The following MYO3B variants were observed in gnomAD, a reference collection of about 807,000 sequenced individuals.
MYO3B encodes the protein myosin IIIB.
Under a neutral mutation model 174.6 loss-of-function variants are expected in MYO3B, and 156 were observed. That is an observed-to-expected ratio of 0.89 (90% CI 0.78 to 1.02). The LOEUF is 1.02. MYO3B is among the 50% of genes least tolerant of loss of function. The probability of loss-of-function intolerance (pLI) is 0.00; values close to 1 mark genes in which losing one functional copy is unlikely to be tolerated. For missense variants in MYO3B, 1,632 were observed against 1,639.4 expected (o/e 1.00, Z 0.08); for synonymous variants, 563 against 569.1 (o/e 0.99, Z 0.15).
chr2:170,289,343 T>C (rs1260006529), intron 7 of MYO3B, among the ~76,000 whole-genome samples: 1 of 152,262 alleles, frequency 6.6e-6, no homozygotes, highest in Non-Finnish European at 1.5e-5. Flanking sequence ...CATCAGGTGC[T>C]GGACTTTTCT....
intron 8 of MYO3B, among the ~76,000 whole-genome samples, chr2:170,363,975 C>T (rs1447169998): frequency 6.6e-6 from 1 of 152,094 alleles, no homozygotes; most frequent in Non-Finnish European, 1.5e-5. Flanking sequence ...AAATCTAGTC[C>T]TTGCTACTTG....
chr2:170,422,902 CT>C (rs2094627859), intron 22 of MYO3B, among the ~76,000 whole-genome samples: 1 of 150,542 alleles, frequency 6.6e-6, no homozygotes, highest in Non-Finnish European at 1.5e-5. Context: ...TTTTTTTGTA[CT>C]AAGTCTTCAA....
At chr2:170,535,899 C>A (rs1689655836) in intron 30 of MYO3B, among the ~76,000 whole-genome samples, 1 of 152,256 alleles carries the variant, frequency 6.6e-6, no homozygotes, top group African/African-American at 2.4e-5. Context: ...TTCTCCACTA[C>A]TGCGTCTCTT....
chr2:170,401,422 A>G, intron 17 of MYO3B, 59 bp from the exon 18 acceptor site: 2 of 1,497,186 alleles, frequency 1.3e-6, no homozygotes, highest in South Asian at 1.1e-5. Flanking sequence ...TAAATGCTGA[A>G]CAGACTGACT....
chr2:170,450,594 G>A (rs1683545791), intron 23 of MYO3B, among the ~76,000 whole-genome samples: 1 of 151,786 alleles, frequency 6.6e-6, no homozygotes, highest in Non-Finnish European at 1.5e-5. Flanking sequence ...TACTCAAAAG[G>A]CAAACAAGAT....
At chr2:170,213,258 A>C (rs1239588727) in intron 3 of MYO3B, among the ~76,000 whole-genome samples, 1 of 151,880 alleles carries the variant, frequency 6.6e-6, no homozygotes. Context: ...ATCGGGCAAG[A>C]CTCCTGTCTC....
intron 32 of MYO3B, among the ~76,000 whole-genome samples, chr2:170,584,174 A>T (rs778635682): frequency 2.6e-5 from 4 of 152,242 alleles, no homozygotes; most frequent in Admixed American, 6.5e-5. Context: ...TAAACTTTTC[A>T]TCCAGGATTG....
intron 31 of MYO3B, 66 bp from the exon 32 acceptor site, chr2:170,543,826 C>A: frequency 1.5e-6 from 2 of 1,308,316 alleles, no homozygotes; most frequent in Non-Finnish European, 1.1e-6. Context: ...TAAATAGAAG[C>A]CATGTCCTTA....
Position 170,400,251 on chromosome 2 carries a change from G to C in MYO3B, c.1855G>C (p.Ala619Pro). 1 of 1,614,076 alleles carries C rather than the reference G, an allele frequency of 6.2e-7. No individual in the cohort carries two copies. Among genetic ancestry groups the C allele is most frequent in the East Asian group, 2.2e-5 (1 of 44,886 alleles). ...ILNIGNIEFA[A>P]ISSQHQTDKS... ...GAATATTGGGAACATTGAGTTCGCAGCTATTTCCTCTCAACATCAGACTGA... is the reference window on the plus strand; with the variant it reads ...GAATATTGGGAACATTGAGTTCGCACCTATTTCCTCTCAACATCAGACTGA... Residue 619 changes from alanine to proline, a missense_variant, in exon 17 of 35, where the codon GCT (alanine) becomes CCT (proline). By Grantham distance (27) the Ala-to-Pro change is conservative. Coordinates refer to ENST00000408978, the MANE Select transcript of MYO3B (RefSeq NM_138995.5).
rs1559038517 is a variant in MYO3B at position 170,476,112 on chromosome 2, T to C, written c.3014+9401T>C. Among the ~76,000 whole-genome samples, 5 of 152,204 alleles carry C rather than the reference T, an allele frequency of 3.3e-5. No homozygotes were observed. The South Asian group carries it at 1.0e-3, about 32-fold the overall frequency. On this transcript the variant is annotated intron_variant, in intron 25 of 34. Coordinates refer to ENST00000408978, the MANE Select transcript of MYO3B (RefSeq NM_138995.5). ...ACATGCGACAAGGGTGTGGCTCGTCTGTTTGGTCACCACCACTGCTGAAAC... is the reference window on the plus strand; with the variant it reads ...ACATGCGACAAGGGTGTGGCTCGTCCGTTTGGTCACCACCACTGCTGAAAC...
At chr2:170,288,983 C>T (rs1169239031) in intron 7 of MYO3B, among the ~76,000 whole-genome samples, 1 of 152,012 alleles carries the variant, frequency 6.6e-6, no homozygotes, top group Admixed American at 6.5e-5. Context: ...TTTTTGTTCT[C>T]AATTCTGTTC....
At chr2:170,624,249 A>T (rs545504769) in intron 32 of MYO3B, among the ~76,000 whole-genome samples, 14 of 152,180 alleles carry the variant, frequency 9.2e-5, no homozygotes, top group African/African-American at 2.4e-4. Flanking sequence ...TTTATTTCGT[A>T]GAGCAGTGGT....
At chr2:170,569,182 G>T (rs1381459426) in intron 32 of MYO3B, among the ~76,000 whole-genome samples, 2 of 152,048 alleles carry the variant, frequency 1.3e-5, no homozygotes, top group African/African-American at 4.8e-5. Flanking sequence ...CTACTCCAGG[G>T]AACAAGAGAG....
intron 6 of MYO3B, among the ~76,000 whole-genome samples, chr2:170,225,564 T>A (rs963848394): frequency 2.6e-5 from 4 of 152,194 alleles, no homozygotes; most frequent in African/African-American, 9.7e-5. Flanking sequence ...TTCTTTAGAA[T>A]TGAATTTAGG....
intron 34 of MYO3B, among the ~76,000 whole-genome samples, 191 bp from the exon 35 acceptor site, chr2:170,652,792 T>G (rs1284617100): frequency 6.6e-6 from 1 of 152,022 alleles, no homozygotes; most frequent in East Asian, 1.9e-4. Context: ...GACCCAAAGG[T>G]GAAGGGCTTT....
In MYO3B at chr2:170,603,585, GA is replaced by G. The variant is rs533272865; in HGVS notation, c.3734-48039del. ...CCACCTTTTTTTTACTACAAAACAG[GA>G]AAACAGTAGTTATTCCCAATCCAAC... On this transcript the variant is annotated intron_variant, in intron 32 of 34. Transcript: ENST00000408978. 9.1e-4 allele frequency among the ~76,000 whole-genome samples: 139 copies of G among 152,168 alleles called. 1 individual carries two copies. Among genetic ancestry groups the G allele is most frequent in the Non-Finnish European group, 2.1e-4 (14 of 68,008 alleles).
At chr2:170,317,114 AG>A (rs1310900182) in intron 7 of MYO3B, among the ~76,000 whole-genome samples, 7 of 152,306 alleles carry the variant, frequency 4.6e-5, no homozygotes, top group Admixed American at 2.6e-4. Flanking sequence ...ATAGCAGGGA[AG>A]TTTCCCTAAT....
chr2:170,356,620 C>A lies in MYO3B; in HGVS notation c.816-12602C>A, dbSNP rs1574842523. Among the ~76,000 whole-genome samples the A allele has an allele frequency of 7.2e-5, 11 of 152,206 alleles. No individual in the cohort carries two copies. The South Asian group carries it at 2.3e-3, about 32-fold the overall frequency. On this transcript the variant is annotated intron_variant, in intron 8 of 34. Coordinates refer to ENST00000408978, the MANE Select transcript of MYO3B (RefSeq NM_138995.5). ...CAGGTGATCCACCCACCTCAGCCTC[C>A]CAAAGTGCTGGGATTACAAGTGTGA...
intron 22 of MYO3B, among the ~76,000 whole-genome samples, chr2:170,441,771 A>G (rs1400044504): frequency 1.3e-5 from 2 of 152,346 alleles, no homozygotes; most frequent in East Asian, 1.9e-4. Context: ...ATGCATTATA[A>G]TTAGCATATA....
Sources: gnomAD v4.1 joint callset for allele counts (sites outside exome capture counted in the v4.1 genomes callset) on GRCh38, gnomAD v4.1.1 for gene constraint, MANE v1.5 for transcripts, NCBI Gene and HGNC (gene_info 2026-07-23, HGNC 2026-07-21) for gene names.